JAKMIP2: variants seen among roughly 807,000 people sequenced by gnomAD.
The protein encoded by JAKMIP2 is janus kinase and microtubule-interacting protein 2.
In JAKMIP2, 25 loss-of-function variants were observed where a neutral mutation model predicts 115.0. That is an observed-to-expected ratio of 0.22 (90% CI 0.16 to 0.30). The LOEUF is 0.30. JAKMIP2 is among the 10% of genes least tolerant of loss of function. The pLI, the probability that JAKMIP2 is intolerant of heterozygous loss-of-function variation, is 1.00. For missense variants in JAKMIP2, 642 were observed against 957.6 expected (o/e 0.67, Z 4.35); for synonymous variants, 334 against 343.6 (o/e 0.97, Z 0.31).
intron 1 of JAKMIP2, among the ~76,000 whole-genome samples, chr5:147,706,511 G>A (rs564470202): frequency 7.9e-5 from 12 of 152,092 alleles, no homozygotes; most frequent in Non-Finnish European, 1.2e-4. Flanking sequence ...CACTTTTTAT[G>A]GTCATCTGGC....
In JAKMIP2 at chr5:147,694,413, C is replaced by T. The variant is rs114628203; in HGVS notation, c.-148-22459G>A. ...ACTCCTTGATGGGCTGTCTACACCA[C>T]AAGCAGTCATTACCCCGGGTCAGGA... is the stretch of plus-strand genomic sequence containing the variant. On this transcript the variant is annotated intron_variant, in intron 1 of 21. Transcript: ENST00000616793. 2.7e-3 allele frequency among the ~76,000 whole-genome samples: 417 copies of T among 152,238 alleles called. 4 individuals are homozygous for T. Among genetic ancestry groups the T allele is most frequent in the African/African-American group, 9.7e-3 (401 of 41,540 alleles).
At chr5:147,599,365 T>C (rs1755573199) in intron 21 of JAKMIP2, among the ~76,000 whole-genome samples, 1 of 152,186 alleles carries the variant, frequency 6.6e-6, no homozygotes, top group Non-Finnish European at 1.5e-5. Flanking sequence ...AACTAGTAAA[T>C]GGCAGGACTC....
intron 1 of JAKMIP2, among the ~76,000 whole-genome samples, chr5:147,727,580 A>G (rs1400000706): frequency 1.3e-5 from 2 of 152,192 alleles, no homozygotes; most frequent in African/African-American, 4.8e-5. Context: ...GAACAGCATG[A>G]TCCAATCACC....
At chr5:147,692,830 G>T (rs1751931096) in intron 1 of JAKMIP2, among the ~76,000 whole-genome samples, 1 of 151,898 alleles carries the variant, frequency 6.6e-6, no homozygotes, top group Non-Finnish European at 1.5e-5. Flanking sequence ...AAGTCTATGG[G>T]TAATAATAAG....
chr5:147,724,930 A>G (rs919615913), intron 1 of JAKMIP2, among the ~76,000 whole-genome samples: 2 of 152,200 alleles, frequency 1.3e-5, no homozygotes, highest in Admixed American at 6.5e-5. Flanking sequence ...GACCTACTGG[A>G]CTGCATTCCC....
chr5:147,775,962 T>C (rs1233824580), intron 1 of JAKMIP2, among the ~76,000 whole-genome samples: 1 of 151,966 alleles, frequency 6.6e-6, no homozygotes, highest in East Asian at 1.9e-4. Flanking sequence ...TGATACGTAT[T>C]ATGAAGGAAA....
intron 1 of JAKMIP2, among the ~76,000 whole-genome samples, chr5:147,682,581 G>A (rs1335203845): frequency 6.6e-6 from 1 of 152,114 alleles, no homozygotes; most frequent in Non-Finnish European, 1.5e-5. Flanking sequence ...ATTCATCTTT[G>A]TGCTCATTGT....
At chr5:147,603,463 G>A (rs1373110260) in intron 20 of JAKMIP2, among the ~76,000 whole-genome samples, 2 of 152,162 alleles carry the variant, frequency 1.3e-5, no homozygotes, top group African/African-American at 4.8e-5. Flanking sequence ...ATAAAGAGGG[G>A]ATATTACATG....
chr5:147,703,415 G>T (rs530576022), intron 1 of JAKMIP2, among the ~76,000 whole-genome samples: 1 of 152,192 alleles, frequency 6.6e-6, no homozygotes, highest in African/African-American at 2.4e-5. Context: ...TGTATGGAGG[G>T]AGTGCAGCTT....
chr5:147,642,299 T>C (rs1757916633), intron 7 of JAKMIP2, among the ~76,000 whole-genome samples: 2 of 152,160 alleles, frequency 1.3e-5, no homozygotes, highest in African/African-American at 4.8e-5. Flanking sequence ...GTTTCTGTTT[T>C]GTCTTCAGTT....
intron 1 of JAKMIP2, among the ~76,000 whole-genome samples, chr5:147,710,619 C>T (rs1271633736): frequency 6.6e-6 from 1 of 152,030 alleles, no homozygotes; most frequent in African/African-American, 2.4e-5. Flanking sequence ...GTTGTGAGGT[C>T]CATTAAGATA....
At chr5:147,755,030 G>T (rs1754693891) in intron 1 of JAKMIP2, among the ~76,000 whole-genome samples, 1 of 152,162 alleles carries the variant, frequency 6.6e-6, no homozygotes, top group South Asian at 2.1e-4. Context: ...CAGATTTTAT[G>T]ACTATAGAGT....
intron 3 of JAKMIP2, among the ~76,000 whole-genome samples, chr5:147,656,374 A>G (rs1212348139): frequency 6.6e-6 from 1 of 152,166 alleles, no homozygotes; most frequent in Non-Finnish European, 1.5e-5. Context: ...GTGCTCCTAT[A>G]TTGGGTGCAT....
chr5:147,779,755 C>A (rs1271586255), intron 1 of JAKMIP2, among the ~76,000 whole-genome samples: 1 of 152,074 alleles, frequency 6.6e-6, no homozygotes, highest in Non-Finnish European at 1.5e-5. Flanking sequence ...AACTAATGTA[C>A]TCTCTCAAAT....
At chr5:147,773,279 TA>T (rs1197916340) in intron 1 of JAKMIP2, among the ~76,000 whole-genome samples, 1 of 152,114 alleles carries the variant, frequency 6.6e-6, no homozygotes, top group Non-Finnish European at 1.5e-5. Context: ...CTCTCTGTCA[TA>T]AGGATCCTTT....
intron 12 of JAKMIP2, among the ~76,000 whole-genome samples, chr5:147,635,228 A>G (rs1757556854): frequency 6.6e-6 from 1 of 152,238 alleles, no homozygotes. Flanking sequence ...GAAGGTAAAT[A>G]TCAAAGGAAA....
At chr5:147,742,254 G>A (rs990013258) in intron 1 of JAKMIP2, among the ~76,000 whole-genome samples, 2 of 150,892 alleles carry the variant, frequency 1.3e-5, no homozygotes, top group African/African-American at 4.9e-5. Flanking sequence ...ATCCTGAGCT[G>A]TCACAAAATC....
At position 147,589,831 on chromosome 5, in the gene JAKMIP2, A is replaced by G. The variant is rs538232177; in HGVS notation, c.*1876T>C. ...GTGCTATAGTGCTTAAATTTAACCA[A>G]ACTGAAGCACTATTTTATTACATGA... is the stretch of plus-strand genomic sequence containing the variant. On this transcript the variant is annotated 3_prime_UTR_variant, in exon 22 of 22. Transcript: ENST00000616793. The G allele has an allele frequency of 9.9e-5, 15 of 152,204 alleles. No homozygotes were observed. Among genetic ancestry groups the G allele is most frequent in the Non-Finnish European group, 2.2e-4 (15 of 68,044 alleles). 9.4% of individuals were successfully genotyped at this position (152,204 alleles called of 1,614,324 possible). A position where few individuals can be genotyped will look rare whatever the true frequency, so the allele number is the denominator to read the frequency against.
intron 2 of JAKMIP2, among the ~76,000 whole-genome samples, chr5:147,666,476 G>C (rs2126794034): frequency 6.6e-6 from 1 of 152,286 alleles, no homozygotes; most frequent in South Asian, 2.1e-4. Context: ...AGCATTTATT[G>C]AGGGTTTAAT....
Sources: allele counts gnomAD v4.1 joint callset (sites outside exome capture counted in the v4.1 genomes callset), GRCh38; gene constraint gnomAD v4.1.1; transcripts MANE v1.5; gene names NCBI Gene and HGNC (gene_info 2026-07-23, HGNC 2026-07-21).